Variants in NALF1 observed in about 807,000 individuals in gnomAD.
The protein encoded by NALF1 is family with sequence similarity 155 member A.
NALF1 carries 3 observed loss-of-function variants against 48.4 expected under a neutral mutation model. That is an observed-to-expected ratio of 0.06 (90% CI 0.03 to 0.16). The LOEUF (loss-of-function observed/expected upper bound fraction) is 0.16, where lower values mean the gene tolerates loss of function less well. NALF1 is among the 10% of genes least tolerant of loss of function. The pLI is 1.00. For synonymous variants in NALF1, 262 were observed against 245.7 expected (o/e 1.07, Z -0.62); for missense variants, 526 against 571.5 (o/e 0.92, Z 0.81).
At chr13:107,375,809 C>G (rs1267103329) in intron 1 of NALF1, among the ~76,000 whole-genome samples, 1 of 151,976 alleles carries the variant, frequency 6.6e-6, no homozygotes, top group African/African-American at 2.4e-5. Flanking sequence ...AGAGAATTTA[C>G]CCAACCTGGG....
At chr13:107,529,302 A>T (rs772117946) in intron 1 of NALF1, among the ~76,000 whole-genome samples, 1 of 152,126 alleles carries the variant, frequency 6.6e-6, no homozygotes, top group Non-Finnish European at 1.5e-5. Flanking sequence ...CTCTGGTATT[A>T]ACAAGTTGTA....
At chr13:107,491,925 T>TATG (rs1875139416) in intron 1 of NALF1, among the ~76,000 whole-genome samples, 1 of 151,758 alleles carries the variant, frequency 6.6e-6, no homozygotes, top group Non-Finnish European at 1.5e-5. Context: ...TTCAAATTAT[T>TATG]ATTATTATTA....
intron 1 of NALF1, among the ~76,000 whole-genome samples, chr13:107,348,602 C>T (rs1882816068): frequency 6.6e-6 from 1 of 151,562 alleles, no homozygotes; most frequent in African/African-American, 2.4e-5. Flanking sequence ...TTACCTCCCA[C>T]CCCCCGGCAG....
intron 1 of NALF1, among the ~76,000 whole-genome samples, chr13:107,275,157 G>A (rs1297777499): frequency 6.6e-6 from 1 of 151,994 alleles, no homozygotes; most frequent in African/African-American, 2.4e-5. Context: ...AGCCAGTGTC[G>A]ACCTTCTTTA....
At chr13:107,640,234 A>G (rs748109473) in intron 1 of NALF1, among the ~76,000 whole-genome samples, 3 of 152,190 alleles carry the variant, frequency 2.0e-5, no homozygotes, top group Admixed American at 6.5e-5. Flanking sequence ...TCAACCACTA[A>G]GTACTACGGC....
chr13:107,857,433 G>A (rs1880466317), intron 1 of NALF1, among the ~76,000 whole-genome samples: 1 of 152,124 alleles, frequency 6.6e-6, no homozygotes, highest in Admixed American at 6.5e-5. Context: ...AACACAAAAC[G>A]TTTCCCAAGA....
At chr13:107,580,337 A>G (rs1041490345) in intron 1 of NALF1, among the ~76,000 whole-genome samples, 2 of 152,128 alleles carry the variant, frequency 1.3e-5, no homozygotes, top group Admixed American at 1.3e-4. Context: ...CTTTTTCTCC[A>G]TAATACTTTT....
At chr13:107,412,377 T>C (rs1046952959) in intron 1 of NALF1, among the ~76,000 whole-genome samples, 1 of 152,120 alleles carries the variant, frequency 6.6e-6, no homozygotes, top group Non-Finnish European at 1.5e-5. Flanking sequence ...TAAAAAACAA[T>C]GGCAAGTAGT....
intron 1 of NALF1, among the ~76,000 whole-genome samples, chr13:107,818,863 C>A (rs962697318): frequency 9.1e-4 from 72 of 79,464 alleles, no homozygotes; most frequent in Non-Finnish European, 1.3e-3. Context: ...CAGAGCGAGA[C>A]TCCGTCTCAA....
intron 1 of NALF1, among the ~76,000 whole-genome samples, chr13:107,304,160 C>T (rs1881892761): frequency 6.6e-6 from 1 of 151,972 alleles, no homozygotes; most frequent in African/African-American, 2.4e-5. Context: ...GAGCATCACT[C>T]TTCTTAAATT....
chr13:107,665,431 G>C (rs1298453432), intron 1 of NALF1, among the ~76,000 whole-genome samples: 2 of 152,046 alleles, frequency 1.3e-5, no homozygotes, highest in African/African-American at 4.8e-5. Context: ...TTACAATACA[G>C]GCACTGTAAG....
chr13:107,221,874 G>A (rs9301199), intron 1 of NALF1, among the ~76,000 whole-genome samples: 61,352 of 152,010 alleles, frequency 0.4, 12,669 homozygotes, highest in Middle Eastern at 0.53. Flanking sequence ...TAAGTGTAGA[G>A]TTGTTTGTGG....
chr13:107,528,110 C>G (rs565015383), intron 1 of NALF1, among the ~76,000 whole-genome samples: 1 of 151,912 alleles, frequency 6.6e-6, no homozygotes, highest in Non-Finnish European at 1.5e-5. Context: ...CTTAAATAGT[C>G]AATTATTTGG....
chr13:107,612,309 C>T (rs1475042752), intron 1 of NALF1, among the ~76,000 whole-genome samples: 1 of 152,112 alleles, frequency 6.6e-6, no homozygotes, highest in Non-Finnish European at 1.5e-5. Context: ...TATGAAGCTT[C>T]AGCCACGCAA....
At chr13:107,512,520 G>A (rs1875925936) in intron 1 of NALF1, among the ~76,000 whole-genome samples, 1 of 152,206 alleles carries the variant, frequency 6.6e-6, no homozygotes, top group African/African-American at 2.4e-5. Flanking sequence ...CTTTGTCCAG[G>A]AAATAATTCA....
intron 1 of NALF1, among the ~76,000 whole-genome samples, chr13:107,733,007 A>G (rs968340632): frequency 6.6e-6 from 1 of 152,168 alleles, no homozygotes; most frequent in African/African-American, 2.4e-5. Context: ...ATATTGTGCT[A>G]ATTTCATGGA....
chr13:107,321,904 A>C (rs1017586194), intron 1 of NALF1, among the ~76,000 whole-genome samples: 1 of 152,162 alleles, frequency 6.6e-6, no homozygotes, highest in African/African-American at 2.4e-5. Context: ...CTGTCACATC[A>C]GAGCAATTAA....
intron 1 of NALF1, among the ~76,000 whole-genome samples, chr13:107,505,519 G>A (rs115492971): frequency 0.019 from 2,918 of 152,278 alleles, 92 homozygotes; most frequent in African/African-American, 0.066. Flanking sequence ...AGGATGGCAG[G>A]ATCTGCTGGT....
In NALF1 at chr13:107,700,404, T is replaced by A. The variant is rs529281844; in HGVS notation, c.915+165278A>T. 1.7e-4 allele frequency among the ~76,000 whole-genome samples: 26 copies of A among 151,930 alleles called. No individual in the cohort carries two copies. The South Asian group carries it at 4.8e-3, about 28-fold the overall frequency. ...AAGTGAACATAATATGGGAAAATAG[T>A]TTATTAAGTAAATGATGCTGAGAAA... On this transcript the variant is annotated intron_variant, in intron 1 of 2. Transcript: ENST00000375915.
Sources: gnomAD v4.1 joint callset for allele counts (sites outside exome capture counted in the v4.1 genomes callset) on GRCh38, gnomAD v4.1.1 for gene constraint, MANE v1.5 for transcripts, NCBI Gene and HGNC (gene_info 2026-07-23, HGNC 2026-07-21) for gene names.